The following STXBP4 variants were observed in gnomAD, a reference collection of about 807,000 sequenced individuals.
The protein encoded by STXBP4 is syntaxin-binding protein 4.
A neutral mutation model predicts 76.1 loss-of-function variants in STXBP4; 55 were observed. That is an observed-to-expected ratio of 0.72 (90% confidence interval 0.58 to 0.91). The LOEUF (loss-of-function observed/expected upper bound fraction) is 0.91. STXBP4 is among the 40% of genes least tolerant of loss of function. The pLI is 0.00. For synonymous variants in STXBP4, 201 were observed against 220.2 expected, an observed-to-expected ratio of 0.91 and a Z score of 0.77; for missense variants, 618 against 636.9, an observed-to-expected ratio of 0.97 and a Z score of 0.32.
At chr17:54,968,846 C>T in intron 1 of STXBP4, 31 bp downstream of exon 1, 2 of 587,708 alleles carry the variant, frequency 3.4e-6, no homozygotes, top group East Asian at 2.8e-5. Flanking sequence ...GTGACTGTTA[C>T]TCCCACTTCG....
the STXBP4 span, among the ~76,000 whole-genome samples, chr17:55,197,467 G>A: frequency 2.0e-5 from 3 of 152,234 alleles, no homozygotes; most frequent in Admixed American, 2.0e-4. Flanking sequence ...TGAGTGGCCA[G>A]GCGCTGTGGC....
intron 17 of STXBP4, among the ~76,000 whole-genome samples, chr17:55,150,529 G>T (rs893983314): frequency 5.9e-5 from 9 of 152,178 alleles, no homozygotes; most frequent in Non-Finnish European, 1.2e-4. Context: ...GAGGGACATA[G>T]TTCAGTCCAT....
chr17:55,057,663 C>G (rs949100884), intron 12 of STXBP4, among the ~76,000 whole-genome samples: 3 of 152,070 alleles, frequency 2.0e-5, no homozygotes, highest in Non-Finnish European at 4.4e-5. Context: ...AGGTTTTAAG[C>G]CTTGCATGCA....
At chr17:55,182,718 A>T in the STXBP4 span, among the ~76,000 whole-genome samples, 6 of 152,190 alleles carry the variant, frequency 3.9e-5, no homozygotes, top group Non-Finnish European at 8.8e-5. Context: ...GCAGACAGAA[A>T]AAAAAAGACC....
At chr17:55,052,956 G>T (rs1227766015) in intron 12 of STXBP4, among the ~76,000 whole-genome samples, 3 of 123,554 alleles carry the variant, frequency 2.4e-5, no homozygotes, top group Non-Finnish European at 5.0e-5. Flanking sequence ...TGTGTGGGTT[G>T]TATTCTTTAG....
At chr17:55,205,909 A>G in the STXBP4 span, among the ~76,000 whole-genome samples, 1 of 152,170 alleles carries the variant, frequency 6.6e-6, no homozygotes, top group Non-Finnish European at 1.5e-5. Flanking sequence ...TAAAAGACAT[A>G]TACTGAAGCA....
chr17:55,053,870 A>C (rs1380605402), intron 12 of STXBP4, among the ~76,000 whole-genome samples: 4 of 152,092 alleles, frequency 2.6e-5, no homozygotes, highest in African/African-American at 9.6e-5. Context: ...TCCTAACTTT[A>C]CATTTTTCTT....
chr17:55,141,435 A>G, intron 17 of STXBP4, 68 bp downstream of exon 17: 4 of 1,359,870 alleles, frequency 2.9e-6, no homozygotes, highest in Non-Finnish European at 4.1e-6. Flanking sequence ...GAAGTTGCAG[A>G]ATAATCAGCA....
rs1417830683 is a variant in STXBP4 at position 54,989,663 on chromosome 17, T to C, written c.48-1162T>C. Among the ~76,000 whole-genome samples, 3 of 152,386 alleles carry C rather than the reference T, an allele frequency of 2.0e-5. No homozygotes were observed. The East Asian group carries it at 5.8e-4, about 29-fold the overall frequency. On this transcript the variant is annotated intron_variant, in intron 3 of 17. Coordinates refer to ENST00000376352, the MANE Select transcript of STXBP4 (RefSeq NM_178509.6). ...ATTATTTAGGTGTTGTTTAGCACAG[T>C]ACCCAGTATTAGTAAACAGGCAGCC...
At chr17:55,015,982 C>T (rs2078201613) in intron 8 of STXBP4, among the ~76,000 whole-genome samples, 2 of 152,152 alleles carry the variant, frequency 1.3e-5, no homozygotes, top group Admixed American at 1.3e-4. Flanking sequence ...ATATCATGGC[C>T]AGGCAGTACT....
At chr17:55,024,961 C>A (rs2078385139) in intron 8 of STXBP4, among the ~76,000 whole-genome samples, 1 of 151,810 alleles carries the variant, frequency 6.6e-6, no homozygotes. Context: ...CACAGTGAAA[C>A]CCCATCTCTA....
the STXBP4 span, among the ~76,000 whole-genome samples, chr17:55,211,815 T>G: frequency 1.5e-4 from 20 of 132,622 alleles, no homozygotes; most frequent in African/African-American, 4.8e-4. Flanking sequence ...TTTTTTTTTT[T>G]TTTTTTTTTT....
In STXBP4 at chr17:54,988,328, A is replaced by C. The variant is rs919734295; in HGVS notation, c.47+2062A>C. Reference sequence around the variant, plus strand: ...ACTGAAACAATAATATATGCTGGAGATTGTTTGTGCCCCCAGTGAAGGACA... The same window carrying C: ...ACTGAAACAATAATATATGCTGGAGCTTGTTTGTGCCCCCAGTGAAGGACA... On this transcript the variant is annotated intron_variant, in intron 3 of 17. Transcript: ENST00000376352. Among the ~76,000 whole-genome samples the C allele has an allele frequency of 3.9e-5, 6 of 152,160 alleles. No homozygotes were observed. The South Asian group carries it at 8.3e-4, about 21-fold the overall frequency.
intron 16 of STXBP4, among the ~76,000 whole-genome samples, chr17:55,084,447 T>C (rs1490074654): frequency 6.6e-6 from 1 of 152,146 alleles, no homozygotes; most frequent in Non-Finnish European, 1.5e-5. Flanking sequence ...TTCTTTCTGA[T>C]GGTAGTTTCT....
At chr17:54,999,595 A>G (rs1236692107) in intron 5 of STXBP4, 37 bp from the exon 6 acceptor site, 4 of 1,569,990 alleles carry the variant, frequency 2.5e-6, no homozygotes, top group Admixed American at 1.7e-5. Flanking sequence ...TACTATATTC[A>G]TAGCATATCC....
intron 16 of STXBP4, among the ~76,000 whole-genome samples, chr17:55,099,708 A>G (rs562552272): frequency 6.6e-6 from 1 of 152,306 alleles, no homozygotes; most frequent in African/African-American, 2.4e-5. Flanking sequence ...GTTGAATACA[A>G]TTTATCAGGC....
chr17:55,211,789 GT>G, the STXBP4 span, among the ~76,000 whole-genome samples: 1 of 51,180 alleles, frequency 2.0e-5, no homozygotes, highest in Non-Finnish European at 4.4e-5. Flanking sequence ...GCTGTTTCCT[GT>G]TTTTTGTTGT....
chr17:55,075,439 T>G (rs1328215300), intron 13 of STXBP4, among the ~76,000 whole-genome samples: 4 of 152,176 alleles, frequency 2.6e-5, no homozygotes, highest in Admixed American at 1.3e-4. Context: ...CTGCATTTGA[T>G]GGACAGTCCA....
chr17:55,043,494 A>G (rs1894936), intron 11 of STXBP4, 169 bp downstream of exon 11: 240,953 of 885,634 alleles, frequency 0.27, 35,078 homozygotes, highest in South Asian at 0.3. Context: ...TAGAGAATTA[A>G]TTTTTGGTCT....
Sources: gnomAD v4.1 joint callset for allele counts (sites outside exome capture counted in the v4.1 genomes callset) on GRCh38, gnomAD v4.1.1 for gene constraint, MANE v1.5 for transcripts, NCBI Gene and HGNC (gene_info 2026-07-23, HGNC 2026-07-21) for gene names.